ARHGAP32: variants seen among roughly 807,000 people sequenced by gnomAD.
The protein encoded by ARHGAP32 is rho GTPase-activating protein 32.
A neutral mutation model predicts 186.5 loss-of-function variants in ARHGAP32; 51 were observed. That is an observed-to-expected ratio of 0.27 (90% CI 0.22 to 0.35). ARHGAP32 has a LOEUF of 0.35. Among genes scored for constraint, ARHGAP32 ranks in the 10% least tolerant of loss-of-function variants. ARHGAP32 has a pLI of 1.00. For synonymous variants in ARHGAP32, 950 were observed against 964.3 expected, an observed-to-expected ratio of 0.99 and a Z score of 0.27; for missense variants, 2,186 against 2,623.5, an observed-to-expected ratio of 0.83 and a Z score of 3.64.
At chr11:129,120,968 T>C (rs1565432119) in intron 5 of ARHGAP32, among the ~76,000 whole-genome samples, 1 of 152,138 alleles carries the variant, frequency 6.6e-6, no homozygotes, top group Non-Finnish European at 1.5e-5. Flanking sequence ...TTTTCTTACT[T>C]GTTTTCTCTT....
rs1009051701 is a variant in ARHGAP32 at position 129,120,609 on chromosome 11, G to T, written c.444+2837C>A. 2.0e-5 allele frequency among the ~76,000 whole-genome samples: 3 copies of T among 152,010 alleles called. 1 individual carries two copies. Among genetic ancestry groups the T allele is most frequent in the Admixed American group, 1.3e-4 (2 of 15,260 alleles). The stretch of plus-strand genomic sequence containing the variant: ...GATTAAAAATAACTATTTCATTCCA[G>T]AACTAAAAGCCAGAAAGTTAAAGAT... On this transcript the variant is annotated intron_variant, in intron 5 of 22. Coordinates refer to ENST00000682385, the MANE Select transcript of ARHGAP32 (RefSeq NM_001378024.1).
At chr11:129,249,287 A>G (rs182899083) in intron 1 of ARHGAP32, among the ~76,000 whole-genome samples, 6 of 152,292 alleles carry the variant, frequency 3.9e-5, no homozygotes, top group Admixed American at 3.9e-4. Context: ...TTATATACAT[A>G]CAGTATGTAT....
Position 129,110,799 on chromosome 11 carries a change from GAATTT to G in ARHGAP32, c.444+12642_444+12646del, listed in dbSNP as rs547584867. 1.2e-3 allele frequency among the ~76,000 whole-genome samples: 176 copies of G among 152,244 alleles called. 2 individuals carry two copies. The highest frequency in any genetic ancestry group is 4.0e-3 in the African/African-American group (165 of 41,560). ...TTAATTTTGTATCTGCAAATTCACT[GAATTT>G]ATTTATCAGATCAAAAAGTTTTCTG... is the stretch of plus-strand genomic sequence containing the variant. On this transcript the variant is annotated intron_variant, in intron 5 of 22. Coordinates refer to ENST00000682385, the MANE Select transcript of ARHGAP32 (RefSeq NM_001378024.1).
intron 2 of ARHGAP32, among the ~76,000 whole-genome samples, chr11:129,147,510 G>A (rs1184235257): frequency 2.6e-5 from 4 of 152,162 alleles, no homozygotes; most frequent in East Asian, 1.9e-4. Flanking sequence ...AGGATTGCCT[G>A]ATTCCATAGG....
intron 10 of ARHGAP32, among the ~76,000 whole-genome samples, chr11:129,043,636 C>A (rs1289093721): frequency 6.6e-6 from 1 of 152,050 alleles, no homozygotes; most frequent in Non-Finnish European, 1.5e-5. Context: ...GATCTACTCA[C>A]CTTGGCCTCC....
rs1343031534 is a variant in ARHGAP32 at position 128,967,132 on chromosome 11, A to T, written c.*1775T>A. 6.6e-6 allele frequency: 1 copy of T among 152,230 alleles called. No individual in the cohort carries two copies. Among genetic ancestry groups the T allele is most frequent in the African/African-American group, 2.4e-5 (1 of 41,458 alleles). The allele number at this position is 152,230 out of a possible 1,614,324, so 9.4% of individuals were successfully genotyped here. ...AGAAAACCTTATAGAATATTTCCAC[A>T]TATCAATGTGTTGTTCTTGAAACAT... On this transcript the variant is annotated 3_prime_UTR_variant, in exon 23 of 23. Transcript: ENST00000682385.
chr11:129,036,418 C>T (rs1939344018), intron 11 of ARHGAP32, among the ~76,000 whole-genome samples: 1 of 143,694 alleles, frequency 7.0e-6, no homozygotes, highest in African/African-American at 2.6e-5. Context: ...AGAGAAAGCA[C>T]TTGATTGATA....
intron 6 of ARHGAP32, among the ~76,000 whole-genome samples, chr11:129,071,938 G>A (rs377235361): frequency 2.6e-5 from 4 of 152,068 alleles, no homozygotes; most frequent in African/African-American, 4.8e-5. Context: ...GACATTATGC[G>A]CAATAAAATA....
chr11:129,096,151 A>C (rs1941722128), intron 5 of ARHGAP32, among the ~76,000 whole-genome samples: 1 of 152,208 alleles, frequency 6.6e-6, no homozygotes, highest in Admixed American at 6.5e-5. Context: ...ACAGATAAGC[A>C]AGCAAATGTG....
At chr11:129,220,739 A>C (rs963164450) in intron 1 of ARHGAP32, among the ~76,000 whole-genome samples, 5 of 152,216 alleles carry the variant, frequency 3.3e-5, no homozygotes, top group Non-Finnish European at 5.9e-5. Context: ...CTGTTTAAGA[A>C]CTTGTAGGTG....
At chr11:129,250,663 G>A (rs1945169628) in intron 1 of ARHGAP32, among the ~76,000 whole-genome samples, 1 of 152,032 alleles carries the variant, frequency 6.6e-6, no homozygotes, top group East Asian at 1.9e-4. Flanking sequence ...TCTTTGTTTG[G>A]CTCTAATGAA....
chr11:129,040,017 C>T (rs1411015255), intron 11 of ARHGAP32, among the ~76,000 whole-genome samples: 1 of 152,064 alleles, frequency 6.6e-6, no homozygotes, highest in Non-Finnish European at 1.5e-5. Flanking sequence ...AAGAAATAAG[C>T]TTTGAAAGGT....
At position 129,221,479 on chromosome 11, in the gene ARHGAP32, CTGTGTGTGTGTGTGTGTGTG is replaced by C. The variant is rs537808170; in HGVS notation, c.-4-57072_-4-57053del. 4.0e-3 allele frequency among the ~76,000 whole-genome samples: 482 copies of C among 121,276 alleles called. 1 individual carries two copies. The highest frequency in any genetic ancestry group is 8.4e-3 in the African/African-American group (259 of 30,736). 79.6% of individuals were successfully genotyped at this position (121,276 alleles called of 152,430 possible). A position where few individuals can be genotyped will look rare whatever the true frequency, so the allele number is the denominator to read the frequency against. ...GAAACAAGCTTTGTAATTGTCATTA[CTGTGTGTGTGTGTGTGTGTG>C]TGTGTGTGTGTGTGTGTGTGTGTGT... On this transcript the variant is annotated intron_variant, in intron 1 of 6. Transcript: ENST00000525234.
Position 129,192,192 on chromosome 11 carries a change from T to A in ARHGAP32, c.7A>T (p.Thr3Ser), listed in dbSNP as rs1426838042. The A allele has an allele frequency of 1.2e-6, 2 of 1,611,074 alleles. No homozygotes were observed. The highest frequency in any genetic ancestry group is 2.2e-5 in the East Asian group (1 of 44,848). Residue 3 changes from threonine (T) to serine (S), a missense_variant, in exon 1 of 23, where the codon ACT becomes TCT. Coordinates refer to ENST00000682385, the MANE Select transcript of ARHGAP32 (RefSeq NM_001378024.1). ME[T>S]ESESSTLGDD... ...CCTAAAGTGCTACTCTCACTTTCAG[T>A]CTCCATCTTGTACTTAAAAAACAAA...
chr11:129,224,946 T>C (rs960004263), intron 1 of ARHGAP32, among the ~76,000 whole-genome samples: 2 of 151,836 alleles, frequency 1.3e-5, no homozygotes, highest in Admixed American at 6.6e-5. Context: ...ACTCTATCTC[T>C]ATAAAAAATT....
intron 1 of ARHGAP32, among the ~76,000 whole-genome samples, chr11:129,242,221 G>A (rs749326588): frequency 2.8e-4 from 43 of 152,116 alleles, no homozygotes; most frequent in Non-Finnish European, 5.9e-4. Flanking sequence ...TCAAGGCCAA[G>A]TACTTGAACA....
At chr11:129,197,895 T>C (rs1011802046) in intron 1 of ARHGAP32, among the ~76,000 whole-genome samples, 5 of 152,216 alleles carry the variant, frequency 3.3e-5, no homozygotes, top group African/African-American at 1.2e-4. Context: ...TGGATCATTA[T>C]ATATACATTG....
intron 1 of ARHGAP32, among the ~76,000 whole-genome samples, chr11:129,203,870 C>T (rs1944485927): frequency 1.3e-5 from 2 of 149,550 alleles, no homozygotes; most frequent in East Asian, 3.9e-4. Flanking sequence ...TACACACCAG[C>T]CCAGTCGACA....
At chr11:128,978,487 T>C (rs975904481) in intron 19 of ARHGAP32, among the ~76,000 whole-genome samples, 13 of 152,198 alleles carry the variant, frequency 8.5e-5, no homozygotes, top group Non-Finnish European at 1.5e-4. Flanking sequence ...AGTATTTATT[T>C]ACAACAATAT....
Sources: gnomAD v4.1 joint callset for allele counts (sites outside exome capture counted in the v4.1 genomes callset) on GRCh38, gnomAD v4.1.1 for gene constraint, MANE v1.5 for transcripts, NCBI Gene and HGNC (gene_info 2026-07-23, HGNC 2026-07-21) for gene names.